The following EML5 variants were observed in gnomAD, a reference collection of about 807,000 sequenced individuals.
EML5 encodes EMAP like 5, also known as echinoderm microtubule-associated protein-like 5.
A neutral mutation model predicts 250.0 loss-of-function variants in EML5; 120 were observed. The observed-to-expected ratio is 0.48, with a 90% CI of 0.41 to 0.56. EML5 has a LOEUF of 0.56. EML5 is among the 20% of genes least tolerant of loss of function. EML5 has a pLI of 0.00. For missense variants in EML5, 2,006 were observed against 2,437.6 expected (o/e 0.82, Z 3.73); for synonymous variants, 771 against 806.5 (o/e 0.96, Z 0.75).
At chr14:88,658,748 G>T (rs753137947) in intron 25 of EML5, among the ~76,000 whole-genome samples, 2 of 151,950 alleles carry the variant, frequency 1.3e-5, no homozygotes, top group Non-Finnish European at 2.9e-5. Context: ...ACTTACCATG[G>T]TATTTACTTA....
chr14:88,788,154 A>G (rs746434024), intron 1 of EML5, among the ~76,000 whole-genome samples: 9 of 152,174 alleles, frequency 5.9e-5, no homozygotes, highest in Non-Finnish European at 1.0e-4. Context: ...CAGAGCTTAA[A>G]AAGTTGCTAC....
At chr14:88,779,901 C>G (rs1300110267) in intron 1 of EML5, among the ~76,000 whole-genome samples, 1 of 152,008 alleles carries the variant, frequency 6.6e-6, no homozygotes, top group Non-Finnish European at 1.5e-5. Flanking sequence ...ATTTTTACTT[C>G]TATGTTACTG....
chr14:88,676,477 C>T (rs146982941), intron 21 of EML5, among the ~76,000 whole-genome samples: 419 of 152,272 alleles, frequency 2.8e-3, no homozygotes, highest in Non-Finnish European at 3.0e-3. Context: ...ATTCAATTAC[C>T]TCCCACCAGG....
At chr14:88,725,688 A>G (rs1340300116) in intron 8 of EML5, among the ~76,000 whole-genome samples, 2 of 152,236 alleles carry the variant, frequency 1.3e-5, no homozygotes, top group African/African-American at 2.4e-5. Flanking sequence ...AATCACCATC[A>G]CTGTGGAGTG....
At position 88,663,116 on chromosome 14, in the gene EML5, T is replaced by C; in HGVS notation, c.3413A>G (p.Lys1138Arg). ...AGCACCAGTGTTGACCTGTAAAAGC[T>C]TTCCTTCAAAAAAATTTTTAAAAAT... is the stretch of plus-strand genomic sequence containing the variant. ...ITHIDWDIRG[K>R]LLQVNTGAKE... is the part of the protein sequence containing the mutation. Residue 1138 changes from lysine (K) to arginine (R), a missense_variant, in exon 24 of 44, where the codon AAG (lysine) becomes AGG (arginine). By Grantham distance (26) the Lys-to-Arg change is conservative. This residue lies in a region of EML5 where 1,375 missense variants were observed against 1,590.3 expected (regional missense o/e 0.86). Transcript: ENST00000554922. 2.0e-6 allele frequency: 3 copies of C among 1,534,522 alleles called. No individual in the cohort carries two copies. Among genetic ancestry groups the C allele is most frequent in the Non-Finnish European group, 1.8e-6 (2 of 1,140,404 alleles).
At chr14:88,740,594 C>A in intron 4 of EML5, 22 bp from the exon 5 acceptor site, 1 of 1,509,118 alleles carries the variant, frequency 6.6e-7, no homozygotes, top group South Asian at 1.4e-5. Context: ...ATAGTATAAT[C>A]AAATTACCAA....
chr14:88,639,252 G>C (rs2090921277), intron 31 of EML5, among the ~76,000 whole-genome samples: 1 of 152,216 alleles, frequency 6.6e-6, no homozygotes, highest in Admixed American at 6.5e-5. Flanking sequence ...AAATGTAAAA[G>C]TCAGTGGGGA....
At position 88,613,459 on chromosome 14, in the gene EML5, TTAATTTA is replaced by T. The variant is rs2087143521; in HGVS notation, c.*2352_*2358del. 6.6e-6 allele frequency: 1 copy of T among 152,170 alleles called. No homozygotes were observed. Among genetic ancestry groups the T allele is most frequent in the African/African-American group, 2.4e-5 (1 of 41,446 alleles). 9.4% of individuals were successfully genotyped at this position (152,170 alleles called of 1,614,324 possible). A position where few individuals can be genotyped will look rare whatever the true frequency, so the allele number is the denominator to read the frequency against. On this transcript the variant is annotated 3_prime_UTR_variant, in exon 44 of 44. Coordinates refer to ENST00000554922, the MANE Select transcript of EML5 (RefSeq NM_183387.3). Reference sequence around the variant, plus strand: ...TATAGAACAAATGGGAAACAAGGGTTTAATTTAGTTCAGCCATTTTACAAGGAAATAA... The same window carrying T: ...TATAGAACAAATGGGAAACAAGGGTTGTTCAGCCATTTTACAAGGAAATAA...
At chr14:88,668,371 A>G (rs80250409) in intron 21 of EML5, among the ~76,000 whole-genome samples, 2,858 of 152,272 alleles carry the variant, frequency 0.019, 103 homozygotes, top group African/African-American at 0.065. Context: ...AAAGGGAGTC[A>G]GTGAAGTAGA....
chr14:88,649,511 G>A (rs2091519865), intron 28 of EML5, among the ~76,000 whole-genome samples: 1 of 152,158 alleles, frequency 6.6e-6, no homozygotes, highest in Non-Finnish European at 1.5e-5. Flanking sequence ...AAATACCATA[G>A]TTACCCTCTT....
chr14:88,760,790 T>C (rs150204007), intron 1 of EML5, among the ~76,000 whole-genome samples: 4 of 152,286 alleles, frequency 2.6e-5, no homozygotes, highest in African/African-American at 9.6e-5. Context: ...TCCATAAACA[T>C]AGTACGCCCG....
At chr14:88,708,839 G>A (rs1202257400) in intron 10 of EML5, among the ~76,000 whole-genome samples, 1 of 151,994 alleles carries the variant, frequency 6.6e-6, no homozygotes, top group Admixed American at 6.6e-5. Context: ...AAATGATTCA[G>A]TAATAAGAAT....
chr14:88,781,653 C>T (rs1470743176), intron 1 of EML5, among the ~76,000 whole-genome samples: 1 of 152,168 alleles, frequency 6.6e-6, no homozygotes, highest in Non-Finnish European at 1.5e-5. Context: ...GTGACGATTA[C>T]TCTCATGCTG....
At chr14:88,659,435 C>T (rs970726743) in intron 25 of EML5, among the ~76,000 whole-genome samples, 2 of 152,172 alleles carry the variant, frequency 1.3e-5, no homozygotes, top group African/African-American at 4.8e-5. Flanking sequence ...TGGTCTCGAA[C>T]TCCTGACCTC....
chr14:88,694,385 C>T lies in EML5; in HGVS notation c.2461G>A (p.Val821Ile). ...IARGSKDKIF[V>I]VKMNPYVPDK... The stretch of plus-strand genomic sequence containing the variant: ...GGCACATAGGGGTTCATCTTTACAA[C>T]AAAAATCTTATCTTTACTTCCTCTG... Residue 821 changes from valine to isoleucine, a missense_variant, in exon 17 of 44, where the codon GTT becomes ATT. Val to Ile is a conservative substitution (Grantham distance 29). This residue lies in a region of EML5 where 1,375 missense variants were observed against 1,590.3 expected (regional missense o/e 0.86). Coordinates refer to ENST00000554922, the MANE Select transcript of EML5 (RefSeq NM_183387.3). 1 of 1,583,768 alleles carries T rather than the reference C, an allele frequency of 6.3e-7. No individual in the cohort carries two copies. Among genetic ancestry groups the T allele is most frequent in the Non-Finnish European group, 8.6e-7 (1 of 1,164,072 alleles).
intron 7 of EML5, among the ~76,000 whole-genome samples, chr14:88,733,134 G>A (rs1475184126): frequency 6.6e-6 from 1 of 152,182 alleles, no homozygotes; most frequent in Non-Finnish European, 1.5e-5. Flanking sequence ...AAGAAGTGAG[G>A]TCTCCACTGC....
intron 21 of EML5, among the ~76,000 whole-genome samples, chr14:88,675,219 C>T (rs1338615990): frequency 6.6e-6 from 1 of 152,254 alleles, no homozygotes; most frequent in Non-Finnish European, 1.5e-5. Flanking sequence ...TCCAACCCCA[C>T]ATTTCCCTTT....
intron 21 of EML5, among the ~76,000 whole-genome samples, chr14:88,673,826 T>C (rs2092530243): frequency 6.6e-6 from 1 of 152,162 alleles, no homozygotes; most frequent in South Asian, 2.1e-4. Flanking sequence ...ACAAGGGAAG[T>C]GAAGGACCTC....
chr14:88,789,700 C>T (rs897756507), intron 1 of EML5, among the ~76,000 whole-genome samples: 5 of 140,306 alleles, frequency 3.6e-5, no homozygotes, highest in African/African-American at 1.3e-4. Flanking sequence ...TCATGTGGCA[C>T]CACCACTGGC....
Sources: gnomAD v4.1 joint callset for allele counts (sites outside exome capture counted in the v4.1 genomes callset) on GRCh38, gnomAD v4.1.1 for gene constraint, gnomAD v4.1.1 regional missense constraint, MANE v1.5 for transcripts, NCBI Gene and HGNC (gene_info 2026-07-23, HGNC 2026-07-21) for gene names.